FGF13: variants seen among roughly 807,000 people sequenced by gnomAD.
The protein encoded by FGF13 is fibroblast growth factor homologous factor 2.
FGF13 carries 2 observed loss-of-function variants against 19.5 expected under a neutral mutation model. The ratio of observed to expected loss-of-function variants is 0.10; its 90% CI spans 0.04 to 0.32. The LOEUF is 0.32. FGF13 is among the 10% of genes least tolerant of loss of function. FGF13 has a pLI of 1.00. For synonymous variants in FGF13, 72 were observed against 76.9 expected (o/e 0.94, Z 0.33); for missense variants, 113 against 192.7 (o/e 0.59, Z 2.45).
intron 1 of FGF13, among the ~76,000 whole-genome samples, chrX:139,055,622 T>C (rs757081697): frequency 5.2e-4 from 59 of 112,653 alleles, no homozygotes; most frequent in Non-Finnish European, 9.9e-4. Flanking sequence ...TAAGATGATT[T>C]TTTTCCTCAC....
intron 1 of FGF13, among the ~76,000 whole-genome samples, chrX:139,037,004 C>T (rs193279594): frequency 1.9e-4 from 21 of 110,893 alleles, no homozygotes; most frequent in African/African-American, 6.9e-4. Flanking sequence ...TTTCAGTGAG[C>T]ATTGATACTC....
intron 1 of FGF13, among the ~76,000 whole-genome samples, chrX:139,134,837 G>A (rs757997264): frequency 9.0e-6 from 1 of 111,144 alleles, no homozygotes. Flanking sequence ...TTGTAGAGAT[G>A]GGGCTTTGCC....
rs192281912 is a variant in FGF13 at position 138,874,414 on chromosome X, G to C, written c.-112-9764C>G. On this transcript the variant is annotated intron_variant, in intron 1 of 2. Coordinates refer to the FGF13 transcript ENST00000421460. ...ATCACAATCCTTTAAGAGTTGCCTAGAGGGCAATTCTTTCTTCTCTTTTTT... is the reference window on the plus strand; with the variant it reads ...ATCACAATCCTTTAAGAGTTGCCTACAGGGCAATTCTTTCTTCTCTTTTTT... Among the ~76,000 whole-genome samples, 3 of 110,630 alleles carry C rather than the reference G, an allele frequency of 2.7e-5. No individual in the cohort carries two copies. In the East Asian group the frequency reaches 8.6e-4, roughly 32 times the overall value.
At chrX:138,735,909 C>A (rs1286059036) in intron 1 of FGF13, among the ~76,000 whole-genome samples, 1 of 112,068 alleles carries the variant, frequency 8.9e-6, no homozygotes, top group African/African-American at 3.2e-5. Context: ...CACAAAAAGG[C>A]TCCTTTCTTT....
At position 138,621,455 on chromosome X, in the gene FGF13, A is replaced by C. The variant is rs1488095067; in HGVS notation, c.*11395T>G. On this transcript the variant is annotated 3_prime_UTR_variant, in exon 5 of 5. Transcript: ENST00000315930. ...TACCAAAATATATGGGATGCAGCAAAAGGCATTTCTAAGAAGGAAGTTTAT... is the reference window on the plus strand; with the variant it reads ...TACCAAAATATATGGGATGCAGCAACAGGCATTTCTAAGAAGGAAGTTTAT... 9.0e-6 allele frequency: 1 copy of C among 110,983 alleles called. No individual in the cohort carries two copies. Among genetic ancestry groups the C allele is most frequent in the Non-Finnish European group, 1.9e-5 (1 of 52,952 alleles). The allele number at this position is 110,983 out of a possible 1,213,427, so 9.1% of individuals were successfully genotyped here.
chrX:138,740,190 G>A (rs749891432), upstream of FGF13, among the ~76,000 whole-genome samples: 6 of 111,437 alleles, frequency 5.4e-5, no homozygotes, highest in Non-Finnish European at 9.4e-5. Flanking sequence ...CTTTCCTTTT[G>A]AACAGACTGG....
intron 1 of FGF13, among the ~76,000 whole-genome samples, chrX:138,998,863 C>G (rs938445423): frequency 2.7e-5 from 3 of 111,753 alleles, no homozygotes; most frequent in African/African-American, 9.8e-5. Flanking sequence ...ACTCTCCACC[C>G]CAAATCAACA....
chrX:138,711,715 G>A lies in FGF13; in HGVS notation c.-712C>T. ...CCGCAGGCACCCTCCGGAACAGCGC[G>A]ACAGCCTCCTTGCAGCCCCCTCCCG... On this transcript the variant is annotated 5_prime_UTR_variant, in exon 1 of 5. Transcript: ENST00000315930. The A allele has an allele frequency of 1.3e-6, 1 of 751,400 alleles. No individual in the cohort carries two copies. The highest frequency in any genetic ancestry group is 1.6e-6 in the Non-Finnish European group (1 of 636,508). The allele number at this position is 751,400 out of a possible 1,213,427, so 61.9% of individuals were successfully genotyped here.
At chrX:138,799,206 A>C (rs1215156499) in intron 3 of FGF13, among the ~76,000 whole-genome samples, 10 of 111,672 alleles carry the variant, frequency 9.0e-5, no homozygotes, top group East Asian at 5.6e-4. Context: ...TGGTGCTATA[A>C]ATTTCCCTCT....
chrX:138,754,396 T>C (rs2090418796), intron 3 of FGF13, among the ~76,000 whole-genome samples: 1 of 111,509 alleles, frequency 9.0e-6, no homozygotes, highest in Non-Finnish European at 1.9e-5. Flanking sequence ...TTTGATTACC[T>C]TGACTCCCTC....
intron 1 of FGF13, among the ~76,000 whole-genome samples, chrX:138,919,513 A>G (rs2091634216): frequency 8.9e-6 from 1 of 112,291 alleles, no homozygotes; most frequent in South Asian, 3.7e-4. Flanking sequence ...TGTAAATTGT[A>G]AATTATTCAA....
At chrX:138,908,385 CTT>C (rs1168698905) in intron 1 of FGF13, among the ~76,000 whole-genome samples, 3 of 93,292 alleles carry the variant, frequency 3.2e-5, no homozygotes, top group Admixed American at 1.2e-4. Context: ...CCATCATTTT[CTT>C]TTTTTTTTTT....
chrX:138,981,318 T>TACACACAC (rs57954256), intron 1 of FGF13, among the ~76,000 whole-genome samples: 1,152 of 96,990 alleles, frequency 0.012, 24 homozygotes, highest in African/African-American at 0.041. Context: ...ATTGTGTGCT[T>TACACACAC]ACACACACAC....
chrX:138,864,402 G>T (rs2124152742), intron 2 of FGF13, among the ~76,000 whole-genome samples: 1 of 112,698 alleles, frequency 8.9e-6, no homozygotes, highest in East Asian at 2.8e-4. Flanking sequence ...CATCAGTGGG[G>T]TCTTTACTCA....
chrX:138,992,271 G>A lies in FGF13; in HGVS notation c.-112-127621C>T, dbSNP rs149669140. ...GATATGGTGCAAACATTTTCTTCCT[G>A]TTTATCAGTTGTCTTTCAATTTTGT... On this transcript the variant is annotated intron_variant, in intron 1 of 2. Coordinates refer to the FGF13 transcript ENST00000421460. 5.3e-3 allele frequency among the ~76,000 whole-genome samples: 587 copies of A among 111,046 alleles called. 2 individuals carry two copies. Among genetic ancestry groups the A allele is most frequent in the African/African-American group, 0.018 (554 of 30,630 alleles).
At chrX:139,072,276 T>TCTACACACACACACACACAC (rs762528325) in intron 1 of FGF13, among the ~76,000 whole-genome samples, 2 of 99,076 alleles carry the variant, frequency 2.0e-5, no homozygotes, top group African/African-American at 7.4e-5. Context: ...TCTCTCTCTC[T>TCTACACACACACACACACAC]ACACACACAC....
At chrX:139,155,089 T>C (rs2083966950) in intron 1 of FGF13, among the ~76,000 whole-genome samples, 1 of 111,416 alleles carries the variant, frequency 9.0e-6, no homozygotes, top group South Asian at 3.8e-4. Context: ...CCAGAGCTTA[T>C]TACTTATCCT....
chrX:139,075,057 T>C (rs1391544287), intron 1 of FGF13, among the ~76,000 whole-genome samples: 1 of 112,215 alleles, frequency 8.9e-6, no homozygotes, highest in African/African-American at 3.2e-5. Context: ...ACCTACCATG[T>C]TTGTAATATA....
At chrX:139,021,928 G>C (rs1314278829) in intron 1 of FGF13, among the ~76,000 whole-genome samples, 1 of 112,130 alleles carries the variant, frequency 8.9e-6, no homozygotes, top group African/African-American at 3.2e-5. Flanking sequence ...GATCGGACTA[G>C]ATGATTGAGA....
Sources: allele counts gnomAD v4.1 joint callset (sites outside exome capture counted in the v4.1 genomes callset), GRCh38; gene constraint gnomAD v4.1.1; transcripts MANE v1.5; gene names NCBI Gene and HGNC (gene_info 2026-07-23, HGNC 2026-07-21).